The following DAPK1 variants were observed in gnomAD, a reference collection of about 807,000 sequenced individuals.
The protein encoded by DAPK1 is death associated protein kinase 1.
In DAPK1, 56 loss-of-function variants were observed where a neutral mutation model predicts 144.9. The observed-to-expected ratio is 0.39, with a 90% CI of 0.31 to 0.48. The LOEUF is 0.48. Among genes scored for constraint, DAPK1 ranks in the 20% least tolerant of loss-of-function variants. The pLI, the probability that DAPK1 is intolerant of heterozygous loss-of-function variation, is 0.95. For missense variants in DAPK1, 1,454 were observed against 1,875.4 expected, an observed-to-expected ratio of 0.78 and a Z score of 4.15; for synonymous variants, 690 against 749.0, an observed-to-expected ratio of 0.92 and a Z score of 1.29.
chr9:87,616,390 A>G (rs1011128499), intron 3 of DAPK1, among the ~76,000 whole-genome samples: 3 of 152,242 alleles, frequency 2.0e-5, no homozygotes, highest in African/African-American at 7.2e-5. Flanking sequence ...TAGAGCAGGA[A>G]GAACAGCAGG....
intron 3 of DAPK1, among the ~76,000 whole-genome samples, chr9:87,628,887 G>A (rs1211107580): frequency 6.6e-6 from 1 of 152,152 alleles, no homozygotes; most frequent in African/African-American, 2.4e-5. Context: ...CAAATGCAAG[G>A]CTAAGAAAAC....
chr9:87,682,131 C>T (rs888507412), intron 20 of DAPK1, among the ~76,000 whole-genome samples: 1 of 152,148 alleles, frequency 6.6e-6, no homozygotes, highest in Non-Finnish European at 1.5e-5. Context: ...CCAGGAAGCA[C>T]CATCCTGCTC....
chr9:87,514,580 G>A (rs1687015405), intron 2 of DAPK1, among the ~76,000 whole-genome samples: 1 of 152,186 alleles, frequency 6.6e-6, no homozygotes, highest in Non-Finnish European at 1.5e-5. Flanking sequence ...TTATTGAATT[G>A]AGCACAAGAA....
intron 2 of DAPK1, among the ~76,000 whole-genome samples, chr9:87,551,305 G>C (rs2118561883): frequency 6.6e-6 from 1 of 152,036 alleles, no homozygotes; most frequent in East Asian, 1.9e-4. Context: ...CCACCACCAC[G>C]CCTGGCTAAT....
chr9:87,602,633 T>C (rs1407870437), intron 2 of DAPK1, among the ~76,000 whole-genome samples: 1 of 152,160 alleles, frequency 6.6e-6, no homozygotes, highest in Non-Finnish European at 1.5e-5. Context: ...TTTTTTCTTT[T>C]TTTTTTCTTT....
At chr9:87,681,986 GCTCAAA>G (rs1324265181) in intron 20 of DAPK1, among the ~76,000 whole-genome samples, 2 of 152,178 alleles carry the variant, frequency 1.3e-5, no homozygotes, top group Admixed American at 1.3e-4. Flanking sequence ...GACAAAAAGA[GCTCAAA>G]CTCAAACAGT....
chr9:87,620,314 C>A (rs1829246219), intron 3 of DAPK1, among the ~76,000 whole-genome samples: 1 of 152,192 alleles, frequency 6.6e-6, no homozygotes, highest in South Asian at 2.1e-4. Context: ...CAGCTCTTTC[C>A]CCTTTTCCAT....
chr9:87,507,224 T>A (rs941748854), intron 2 of DAPK1, among the ~76,000 whole-genome samples: 2 of 152,206 alleles, frequency 1.3e-5, no homozygotes. Context: ...ATGGGGCCTT[T>A]TTTTTGAGAC....
At chr9:87,694,273 A>G (rs985382279) in intron 21 of DAPK1, among the ~76,000 whole-genome samples, 2 of 151,962 alleles carry the variant, frequency 1.3e-5, no homozygotes, top group African/African-American at 4.8e-5. Context: ...GCCAGCTGTG[A>G]TGATAGTGGT....
intron 2 of DAPK1, among the ~76,000 whole-genome samples, chr9:87,584,866 G>A (rs531636707): frequency 3.0e-4 from 45 of 152,176 alleles, no homozygotes; most frequent in South Asian, 6.2e-4. Context: ...TTGTAGAGAC[G>A]GGGTTTCACC....
At chr9:87,660,009 G>A (rs544998184) in intron 18 of DAPK1, among the ~76,000 whole-genome samples, 4 of 152,278 alleles carry the variant, frequency 2.6e-5, no homozygotes, top group African/African-American at 9.6e-5. Flanking sequence ...TGGGTCCTGA[G>A]GGCGTGGACA....
At chr9:87,515,135 T>A (rs1462005517) in intron 2 of DAPK1, among the ~76,000 whole-genome samples, 1 of 152,222 alleles carries the variant, frequency 6.6e-6, no homozygotes, top group Non-Finnish European at 1.5e-5. Context: ...CAAACTAGCC[T>A]CTTATGGGGA....
chr9:87,623,083 T>C (rs1012821071), intron 3 of DAPK1, among the ~76,000 whole-genome samples: 13 of 152,260 alleles, frequency 8.5e-5, no homozygotes, highest in African/African-American at 3.1e-4. Context: ...AGGGGCCCAC[T>C]AGGACTTGAA....
At chr9:87,516,664 G>A (rs144272124) in intron 2 of DAPK1, among the ~76,000 whole-genome samples, 162 of 152,100 alleles carry the variant, frequency 1.1e-3, no homozygotes, top group African/African-American at 3.2e-3. Context: ...AGCATGCTGC[G>A]TGTGTGGCCA....
chr9:87,705,504 G>A (rs966100890), intron 25 of DAPK1, among the ~76,000 whole-genome samples: 3 of 152,184 alleles, frequency 2.0e-5, no homozygotes, highest in Non-Finnish European at 2.9e-5. Flanking sequence ...TTACAGGCAT[G>A]AGTCACGGTG....
chr9:87,559,033 G>A (rs1826813950), intron 2 of DAPK1, among the ~76,000 whole-genome samples: 1 of 152,140 alleles, frequency 6.6e-6, no homozygotes, highest in African/African-American at 2.4e-5. Flanking sequence ...GCATGTGTGT[G>A]CACATGCATG....
intron 2 of DAPK1, among the ~76,000 whole-genome samples, chr9:87,596,072 C>A (rs1451712841): frequency 2.0e-5 from 3 of 152,010 alleles, no homozygotes; most frequent in Non-Finnish European, 4.4e-5. Flanking sequence ...AGAATAACTC[C>A]AGGTGTGGGC....
intron 18 of DAPK1, among the ~76,000 whole-genome samples, chr9:87,660,823 T>G (rs1222882748): frequency 1.3e-5 from 2 of 152,194 alleles, no homozygotes; most frequent in African/African-American, 4.8e-5. Flanking sequence ...TCCTTCTCTT[T>G]TTTCTTTATT....
chr9:87,680,394 C>T (rs1294999333), intron 19 of DAPK1, among the ~76,000 whole-genome samples: 1 of 152,290 alleles, frequency 6.6e-6, no homozygotes, highest in Non-Finnish European at 1.5e-5. Flanking sequence ...CGTGAGCCAC[C>T]GCACCCGATT....
Sources: gnomAD v4.1 joint callset for allele counts (sites outside exome capture counted in the v4.1 genomes callset) on GRCh38, gnomAD v4.1.1 for gene constraint, MANE v1.5 for transcripts, NCBI Gene and HGNC (gene_info 2026-07-23, HGNC 2026-07-21) for gene names.